Variants in CENPQ observed in about 807,000 individuals in gnomAD.
The protein encoded by CENPQ is chromosome 6 open reading frame 139.
A neutral mutation model predicts 36.6 loss-of-function variants in CENPQ; 27 were observed. The ratio of observed to expected loss-of-function variants is 0.74; its 90% CI spans 0.54 to 1.02. CENPQ has a LOEUF of 1.02. Among genes scored for constraint, CENPQ ranks in the 50% least tolerant of loss-of-function variants. The pLI is 0.00. For missense variants in CENPQ, 306 were observed against 301.8 expected (o/e 1.01, Z -0.10); for synonymous variants, 101 against 101.7 (o/e 0.99, Z 0.04).
intron 3 of CENPQ, among the ~76,000 whole-genome samples, chr6:49,471,310 G>A (rs750722633): frequency 3.3e-5 from 5 of 152,186 alleles, no homozygotes; most frequent in African/African-American, 4.8e-5. Flanking sequence ...AGTGATCTGT[G>A]ATATAAATAC....
Position 49,488,455 on chromosome 6 carries a change from A to G in CENPQ, c.581A>G (p.Glu194Gly), listed in dbSNP as rs1768641400. ...QILASEVEEE[E>G]ERVKQMHQIN... ...CTGGCAAGTGAGGTGGAAGAAGAAGAGGAGAGAGTAAAACAGGTAATTATT... is the reference window on the plus strand; with the variant it reads ...CTGGCAAGTGAGGTGGAAGAAGAAGGGGAGAGAGTAAAACAGGTAATTATT... Residue 194 changes from glutamate (E) to glycine (G), a missense_variant, in exon 7 of 9, where the codon GAG (glutamate) becomes GGG (glycine). Physicochemically the swap from Glu to Gly is moderately conservative, Grantham distance 98. Coordinates refer to ENST00000335783, the MANE Select transcript of CENPQ (RefSeq NM_018132.4). 1 of 1,612,814 alleles carries G rather than the reference A, an allele frequency of 6.2e-7. No homozygotes were observed. Among genetic ancestry groups the G allele is most frequent in the African/African-American group, 1.3e-5 (1 of 74,874 alleles).
At chr6:49,464,840 T>G (rs1233985103) in intron 1 of CENPQ, among the ~76,000 whole-genome samples, 2 of 152,250 alleles carry the variant, frequency 1.3e-5, no homozygotes, top group East Asian at 3.9e-4. Flanking sequence ...AACAAAGTCA[T>G]GACCTTTACA....
In CENPQ at chr6:49,492,294, A is replaced by G. The variant is rs757236888; in HGVS notation, c.*19A>G. ...ATCTTAAAGAGTGTTTTTTTTTTAGATTGTTCCATATTAATTTAATGTTCG... is the reference window on the plus strand; with the variant it reads ...ATCTTAAAGAGTGTTTTTTTTTTAGGTTGTTCCATATTAATTTAATGTTCG... On this transcript the variant is annotated 3_prime_UTR_variant, in exon 9 of 9. Transcript: ENST00000335783. 3.2e-6 allele frequency: 5 copies of G among 1,542,490 alleles called. No homozygotes were observed. The highest frequency in any genetic ancestry group is 3.5e-6 in the Non-Finnish European group (4 of 1,143,344).
chr6:49,470,038 A>T (rs1384154775), intron 1 of CENPQ, 121 bp from the exon 2 acceptor site: 24 of 157,126 alleles, frequency 1.5e-4, no homozygotes, highest in East Asian at 3.1e-4. Context: ...ATTTTTCTTT[A>T]AAAAAAAAAA....
At chr6:49,488,748 G>T in intron 8 of CENPQ, 64 bp downstream of exon 8, 1 of 1,360,330 alleles carries the variant, frequency 7.4e-7, no homozygotes, top group Non-Finnish European at 1.0e-6. Flanking sequence ...TTTGGATTCA[G>T]ACCACAGCAA....
In CENPQ at chr6:49,474,064, TAATG is replaced by T. The variant is rs1429412926; in HGVS notation, c.347+1207_347+1210del. On this transcript the variant is annotated intron_variant, in intron 5 of 8. Transcript: ENST00000335783. ...AGAGACTTAGGCTCCCACATAATAATAATGGGAGACTTTAACACCCCACTGTCAA... is the reference window on the plus strand; with the variant it reads ...AGAGACTTAGGCTCCCACATAATAATGGAGACTTTAACACCCCACTGTCAA... Among the ~76,000 whole-genome samples the T allele has an allele frequency of 2.0e-5, 3 of 152,208 alleles. No individual in the cohort carries two copies. In the South Asian group the frequency reaches 6.2e-4, roughly 32 times the overall value.
At chr6:49,466,414 A>T (rs994617103) in intron 1 of CENPQ, among the ~76,000 whole-genome samples, 1 of 152,250 alleles carries the variant, frequency 6.6e-6, no homozygotes, top group Non-Finnish European at 1.5e-5. Context: ...AGACAACAAC[A>T]ACAAAATACA....
chr6:49,481,402 G>A (rs535380143), intron 6 of CENPQ, among the ~76,000 whole-genome samples: 121 of 152,248 alleles, frequency 7.9e-4, no homozygotes, highest in African/African-American at 2.9e-3. Flanking sequence ...TGACGTGTCT[G>A]GAATTTGTTC....
intron 6 of CENPQ, among the ~76,000 whole-genome samples, chr6:49,484,986 G>C (rs564755448): frequency 1.7e-4 from 26 of 152,258 alleles, no homozygotes; most frequent in African/African-American, 6.3e-4. Flanking sequence ...TTATGCTACT[G>C]GTAAGCATTT....
intron 1 of CENPQ, among the ~76,000 whole-genome samples, chr6:49,467,847 G>C (rs528023202): frequency 6.6e-6 from 1 of 152,312 alleles, no homozygotes; most frequent in South Asian, 2.1e-4. Flanking sequence ...TGATCTGAGA[G>C]GGTGGGCAGA....
chr6:49,484,448 C>T (rs1169027544), intron 6 of CENPQ, among the ~76,000 whole-genome samples: 1 of 152,120 alleles, frequency 6.6e-6, no homozygotes, highest in Non-Finnish European at 1.5e-5. Flanking sequence ...ATCCAAACAA[C>T]TAAGTCAAAG....
chr6:49,489,855 G>A (rs1215140517), intron 8 of CENPQ, among the ~76,000 whole-genome samples: 2 of 152,188 alleles, frequency 1.3e-5, no homozygotes, highest in South Asian at 2.1e-4. Context: ...CTGAGCAGTA[G>A]CTCTTAACAG....
At chr6:49,466,025 A>G (rs2127422610) in intron 1 of CENPQ, among the ~76,000 whole-genome samples, 1 of 152,220 alleles carries the variant, frequency 6.6e-6, no homozygotes, top group East Asian at 1.9e-4. Context: ...GAGAGGTGTG[A>G]TTTTTGCTTT....
chr6:49,468,550 T>A lies in CENPQ; in HGVS notation c.-18-1609T>A, dbSNP rs146558280. ...CAGAGGTTGCAGCAGTGAGCCGAGA[T>A]CGCACCACTGCACTCCAGCCCAAGC... On this transcript the variant is annotated intron_variant, in intron 1 of 8. Coordinates refer to ENST00000335783, the MANE Select transcript of CENPQ (RefSeq NM_018132.4). Among the ~76,000 whole-genome samples, 499 of 151,978 alleles carry A rather than the reference T, an allele frequency of 3.3e-3. 3 individuals carry two copies. The highest frequency in any genetic ancestry group is 0.011 in the African/African-American group (473 of 41,424).
chr6:49,475,184 A>G (rs1307883941), intron 5 of CENPQ, among the ~76,000 whole-genome samples: 1 of 152,226 alleles, frequency 6.6e-6, no homozygotes, highest in Non-Finnish European at 1.5e-5. Context: ...AATCCTCAAT[A>G]AAATACTGGC....
At chr6:49,492,038 T>C in intron 8 of CENPQ, 106 bp from the exon 9 acceptor site, 2 of 818,334 alleles carry the variant, frequency 2.4e-6, no homozygotes, top group Non-Finnish European at 3.8e-6. Flanking sequence ...TTATTGAAGT[T>C]GGATGATAGA....
chr6:49,491,085 G>A (rs2127428762), intron 8 of CENPQ, among the ~76,000 whole-genome samples: 1 of 152,350 alleles, frequency 6.6e-6, no homozygotes, highest in Non-Finnish European at 1.5e-5. Flanking sequence ...CCTTCAGTTT[G>A]TAAAAAATGC....
chr6:49,464,620 T>C (rs1767953133), intron 1 of CENPQ, among the ~76,000 whole-genome samples: 1 of 152,252 alleles, frequency 6.6e-6, no homozygotes, highest in Non-Finnish European at 1.5e-5. Flanking sequence ...TTTTGTGATA[T>C]TCTGAATTCT....
chr6:49,472,741 TG>T, intron 4 of CENPQ, 48 bp from the exon 5 acceptor site: 1 of 1,354,644 alleles, frequency 7.4e-7, no homozygotes, highest in Non-Finnish European at 9.8e-7. Context: ...AAAGAGTATA[TG>T]ATTTGTGCAT....
Sources: gnomAD v4.1 joint callset for allele counts (sites outside exome capture counted in the v4.1 genomes callset) on GRCh38, gnomAD v4.1.1 for gene constraint, MANE v1.5 for transcripts, NCBI Gene and HGNC (gene_info 2026-07-23, HGNC 2026-07-21) for gene names.